LDLRAD4: variants seen among roughly 807,000 people sequenced by gnomAD.
LDLRAD4 encodes the protein low-density lipoprotein receptor class A domain-containing protein 4.
A neutral mutation model predicts 17.0 loss-of-function variants in LDLRAD4; 5 were observed. That is an observed-to-expected ratio of 0.29 (90% confidence interval 0.15 to 0.62). The LOEUF is 0.62. LDLRAD4 is among the 20% of genes least tolerant of loss of function. The probability of loss-of-function intolerance (pLI) is 0.84; values close to 1 mark genes in which losing one functional copy is unlikely to be tolerated. For synonymous variants in LDLRAD4, 168 were observed against 171.8 expected, an observed-to-expected ratio of 0.98 and a Z score of 0.17; for missense variants, 340 against 424.7, an observed-to-expected ratio of 0.80 and a Z score of 1.75.
At chr18:13,465,697 G>A (rs1340902002) in intron 3 of LDLRAD4, among the ~76,000 whole-genome samples, 1 of 152,216 alleles carries the variant, frequency 6.6e-6, no homozygotes, top group African/African-American at 2.4e-5. Context: ...AAGGAAATGG[G>A]ATTTCCTGGT....
chr18:13,514,028 T>A (rs1470720602), intron 3 of LDLRAD4, among the ~76,000 whole-genome samples: 1 of 152,240 alleles, frequency 6.6e-6, no homozygotes, highest in Non-Finnish European at 1.5e-5. Flanking sequence ...AACAGACTTT[T>A]GCCTCTTGCC....
chr18:13,609,680 A>C (rs1215191581), intron 3 of LDLRAD4, among the ~76,000 whole-genome samples: 4 of 152,190 alleles, frequency 2.6e-5, no homozygotes, highest in South Asian at 2.1e-4. Context: ...CTTAATTAAG[A>C]TCGGCTCCAT....
chr18:13,260,332 C>T (rs2145933633), intron 1 of LDLRAD4, among the ~76,000 whole-genome samples: 1 of 152,304 alleles, frequency 6.6e-6, no homozygotes, highest in South Asian at 2.1e-4. Context: ...TGTGGAACAG[C>T]CTTCCCTGGC....
chr18:13,612,444 T>C, intron 3 of LDLRAD4: 1 of 1,281,472 alleles, frequency 7.8e-7, no homozygotes, highest in Non-Finnish European at 9.9e-7. Flanking sequence ...TGATAATTGG[T>C]AGCCACAGTC....
In LDLRAD4 at chr18:13,645,872, G is replaced by T; in HGVS notation, c.*215G>T. 1 of 389,194 alleles carries T rather than the reference G, an allele frequency of 2.6e-6. No homozygotes were observed. Among genetic ancestry groups the T allele is most frequent in the African/African-American group, 2.1e-5 (1 of 48,558 alleles). 24.1% of individuals were successfully genotyped at this position (389,194 alleles called of 1,614,324 possible). A position where few individuals can be genotyped will look rare whatever the true frequency, so the allele number is the denominator to read the frequency against. On this transcript the variant is annotated 3_prime_UTR_variant, in exon 6 of 6. Coordinates refer to ENST00000359446, the Ensembl canonical transcript of LDLRAD4. This position sits in a 1 kb window ranked among gnomAD's most constrained non-coding sequence, Gnocchi z 5.7. ...TCCATCTGGTCTGACCGCAAACAGT[G>T]TTTATTTGGGGACAGGGGTTGGGAT...
intron 4 of LDLRAD4, among the ~76,000 whole-genome samples, chr18:13,635,157 C>T (rs1228471511): frequency 1.3e-5 from 2 of 152,154 alleles, no homozygotes; most frequent in Admixed American, 6.5e-5. Context: ...TACCGTAGAC[C>T]GGGTGGCTTA....
intron 1 of LDLRAD4, among the ~76,000 whole-genome samples, chr18:13,319,067 T>C (rs556177810): frequency 6.7e-4 from 102 of 152,302 alleles, no homozygotes; most frequent in South Asian, 2.5e-3. Context: ...ATTTAGTGGG[T>C]GAGGTCATTC....
intron 1 of LDLRAD4, among the ~76,000 whole-genome samples, chr18:13,265,246 A>C (rs1485631878): frequency 6.6e-6 from 1 of 151,782 alleles, no homozygotes; most frequent in East Asian, 1.9e-4. Context: ...GCGCCTTCCA[A>C]ACTCCTGGTC....
chr18:13,302,795 C>A (rs893683796), intron 1 of LDLRAD4, among the ~76,000 whole-genome samples: 1 of 152,164 alleles, frequency 6.6e-6, no homozygotes, highest in Non-Finnish European at 1.5e-5. Context: ...CTGTTACATG[C>A]TGTTATGTTA....
At chr18:13,573,717 G>A (rs1475977777) in intron 3 of LDLRAD4, among the ~76,000 whole-genome samples, 1 of 152,180 alleles carries the variant, frequency 6.6e-6, no homozygotes, top group Admixed American at 6.5e-5. Flanking sequence ...TCAGATTTGG[G>A]GGCAGTGACA....
intron 2 of LDLRAD4, among the ~76,000 whole-genome samples, chr18:13,401,554 G>A (rs1568103062): frequency 1.3e-5 from 2 of 152,124 alleles, no homozygotes; most frequent in South Asian, 2.1e-4. Flanking sequence ...GTGCGTCCCC[G>A]AGGCCCTGGG....
chr18:13,525,128 C>T (rs2094010123), intron 3 of LDLRAD4, among the ~76,000 whole-genome samples: 1 of 152,196 alleles, frequency 6.6e-6, no homozygotes, highest in Non-Finnish European at 1.5e-5. Flanking sequence ...GGATACGGTG[C>T]TTTGTGATGA....
At chr18:13,415,785 G>A (rs1007431875) in intron 2 of LDLRAD4, among the ~76,000 whole-genome samples, 1 of 152,212 alleles carries the variant, frequency 6.6e-6, no homozygotes, top group African/African-American at 2.4e-5. Flanking sequence ...CACGCTGCCC[G>A]GTGTCCCAGC....
intron 1 of LDLRAD4, among the ~76,000 whole-genome samples, chr18:13,255,086 G>A (rs551227278): frequency 7.9e-5 from 12 of 152,332 alleles, no homozygotes; most frequent in African/African-American, 2.9e-4. Context: ...GATTGAACCC[G>A]TGAGGGCTCG....
intron 1 of LDLRAD4, among the ~76,000 whole-genome samples, chr18:13,375,540 C>T (rs982536225): frequency 3.9e-5 from 6 of 152,106 alleles, no homozygotes; most frequent in Admixed American, 1.3e-4. Flanking sequence ...CAGGGCAGGG[C>T]CGAAGCTGAG....
chr18:13,359,691 G>A (rs895062212), intron 1 of LDLRAD4, among the ~76,000 whole-genome samples: 1 of 152,146 alleles, frequency 6.6e-6, no homozygotes, highest in Non-Finnish European at 1.5e-5. Context: ...TAATTAGGAG[G>A]CACTGCCAGT....
chr18:13,223,221 G>C (rs1470855809), intron 1 of LDLRAD4, among the ~76,000 whole-genome samples: 2 of 152,170 alleles, frequency 1.3e-5, no homozygotes, highest in Non-Finnish European at 2.9e-5. Flanking sequence ...GGTAGGGAAG[G>C]GGGTGGGTGT....
chr18:13,393,572 C>T (rs1042562421), intron 2 of LDLRAD4, among the ~76,000 whole-genome samples: 2 of 152,166 alleles, frequency 1.3e-5, no homozygotes, highest in Admixed American at 6.5e-5. Context: ...CAAATATTGA[C>T]GGAGCTCTTG....
At chr18:13,445,759 A>G (rs1015522722) in intron 3 of LDLRAD4, among the ~76,000 whole-genome samples, 2 of 143,826 alleles carry the variant, frequency 1.4e-5, no homozygotes, top group Non-Finnish European at 3.1e-5. Flanking sequence ...GGGTGTGTGC[A>G]TGTGTGGGTG....
Sources: allele counts gnomAD v4.1 joint callset (sites outside exome capture counted in the v4.1 genomes callset), GRCh38; gene constraint gnomAD v4.1.1; non-coding constraint Gnocchi (gnomAD v3.1); transcripts MANE v1.5; gene names NCBI Gene and HGNC (gene_info 2026-07-23, HGNC 2026-07-21).